The following LY75 variants were observed in gnomAD, a reference collection of about 807,000 sequenced individuals.
LY75 encodes the protein C-type lectin domain family 13 member B.
LY75 carries 185 observed loss-of-function variants against 231.7 expected under a neutral mutation model. The observed-to-expected ratio is 0.80, with a 90% CI of 0.71 to 0.90. The LOEUF is 0.90. LY75 is among the 40% of genes least tolerant of loss of function. The probability of loss-of-function intolerance (pLI) is 0.00; values close to 1 mark genes in which losing one functional copy is unlikely to be tolerated. For missense variants in LY75, 1,947 were observed against 2,050.2 expected (o/e 0.95, Z 0.97); for synonymous variants, 668 against 689.0 (o/e 0.97, Z 0.48).
intron 28 of LY75, among the ~76,000 whole-genome samples, chr2:159,829,945 G>T (rs867688234): frequency 2.0e-5 from 3 of 152,232 alleles, no homozygotes; most frequent in Admixed American, 1.3e-4. Flanking sequence ...TCTCTGTCCT[G>T]GGTGTGGTCT....
In LY75 at chr2:159,872,586, T is replaced by C; in HGVS notation, c.1982A>G (p.His661Arg). 6.2e-7 allele frequency: 1 copy of C among 1,612,236 alleles called. No individual in the cohort carries two copies. Among genetic ancestry groups the C allele is most frequent in the East Asian group, 2.2e-5 (1 of 44,862 alleles). Residue 661 changes from histidine to arginine, a missense_variant, in exon 13 of 35, where the codon CAT (histidine) becomes CGT (arginine). Transcript: ENST00000263636. ...CCTCTTTCTTACAATTCTTTCTGCA[T>C]GGAATACCTTAGCAAAATATAATAT... ...PASLSCYKVF[H>R]AERIVRKRNW...
intron 6 of LY75, 73 bp from the exon 7 acceptor site, chr2:159,882,388 T>G (rs1685463624): frequency 1.3e-6 from 2 of 1,535,094 alleles, no homozygotes; most frequent in Admixed American, 4.1e-5. Context: ...GCAAATTCTT[T>G]TTTCTTGAAT....
In LY75 at chr2:159,878,739, T is replaced by C. The variant is rs771858980; in HGVS notation, c.1516-18A>G. 1 of 1,613,180 alleles carries C rather than the reference T, an allele frequency of 6.2e-7. No homozygotes were observed. The highest frequency in any genetic ancestry group is 8.5e-7 in the Non-Finnish European group (1 of 1,179,480). On this transcript the variant is annotated intron_variant, in intron 9 of 34. Transcript: ENST00000263636. The stretch of plus-strand genomic sequence containing the variant: ...TTCCAGCCCTAAGTCAGAGGAAAAA[T>C]ATTGTCAAACTCTTTTCCAGACTTG...
At chr2:159,872,731 T>C in intron 12 of LY75, 138 bp from the exon 13 acceptor site, 1 of 895,614 alleles carries the variant, frequency 1.1e-6, no homozygotes, top group Non-Finnish European at 1.7e-6. Flanking sequence ...TAAATGCACA[T>C]ATACTGAGAC....
At chr2:159,837,903 C>T (rs1683881366) in intron 25 of LY75, among the ~76,000 whole-genome samples, 1 of 152,150 alleles carries the variant, frequency 6.6e-6, no homozygotes, top group Admixed American at 6.5e-5. Flanking sequence ...CCGGTCCTAC[C>T]ATTAACTTGG....
intron 25 of LY75, among the ~76,000 whole-genome samples, chr2:159,838,254 A>AT (rs1683895118): frequency 6.6e-6 from 1 of 152,214 alleles, no homozygotes; most frequent in Admixed American, 6.5e-5. Flanking sequence ...ACATCCTGTC[A>AT]TTTTCAAAGA....
intron 19 of LY75, 50 bp from the exon 20 acceptor site, chr2:159,853,402 A>AT (rs774440455): frequency 1.9e-6 from 3 of 1,589,424 alleles, no homozygotes; most frequent in South Asian, 1.1e-5. Context: ...TAGGTGTTCC[A>AT]TTTTTTTCTT....
chr2:159,815,237 G>A (rs1427911877), intron 31 of LY75, among the ~76,000 whole-genome samples, 168 bp downstream of exon 31: 1 of 152,110 alleles, frequency 6.6e-6, no homozygotes, highest in Non-Finnish European at 1.5e-5. Context: ...TCCTGACCTC[G>A]TGATCCGCAC....
chr2:159,854,864 T>C, intron 17 of LY75, 40 bp downstream of exon 17: 2 of 1,611,170 alleles, frequency 1.2e-6, no homozygotes, highest in Non-Finnish European at 1.7e-6. Flanking sequence ...AGTGACAAGG[T>C]AAAAGCAGCT....
At chr2:159,866,796 T>C (rs1279219849) in intron 13 of LY75, among the ~76,000 whole-genome samples, 1 of 152,168 alleles carries the variant, frequency 6.6e-6, no homozygotes, top group Non-Finnish European at 1.5e-5. Context: ...TCGTGTAGAA[T>C]TTTGTGTTTC....
chr2:159,890,071 A>T, intron 4 of LY75, 142 bp downstream of exon 4: 11 of 1,050,034 alleles, frequency 1.0e-5, no homozygotes, highest in African/African-American at 9.8e-5. Context: ...TTTTTTGCTT[A>T]TGGGTTTCAG....
At chr2:159,827,348 A>G (rs1683504273) in intron 28 of LY75, among the ~76,000 whole-genome samples, 1 of 152,252 alleles carries the variant, frequency 6.6e-6, no homozygotes, top group South Asian at 2.1e-4. Context: ...GCCAACAGAC[A>G]CATGAAAAAA....
chr2:159,850,016 T>C lies in LY75; in HGVS notation c.3114A>G (p.Pro1038=), dbSNP rs1407990451. Residue 1038 remains proline, a synonymous_variant, in exon 23 of 35, where the codon CCA becomes CCG. Coordinates refer to ENST00000263636, the MANE Select transcript of LY75 (RefSeq NM_002349.4). ...NRELTYSNFH[P]LLVSGRLRIP... is the part of the protein sequence containing the mutation. ...TTCTCAGCCTCCCACTAACCAATAATGGGTGAAAGTTACTGTACGTCAGCT... is the reference window on the plus strand; with the variant it reads ...TTCTCAGCCTCCCACTAACCAATAACGGGTGAAAGTTACTGTACGTCAGCT... 2.5e-6 allele frequency: 4 copies of C among 1,613,702 alleles called. No individual in the cohort carries two copies. The highest frequency in any genetic ancestry group is 3.4e-6 in the Non-Finnish European group (4 of 1,179,868).
At position 159,899,015 on chromosome 2, in the gene LY75, T is replaced by G; in HGVS notation, c.139A>C (p.Ile47Leu). The G allele has an allele frequency of 6.2e-7, 1 of 1,614,122 alleles. No homozygotes were observed. The highest frequency in any genetic ancestry group is 8.5e-7 in the Non-Finnish European group (1 of 1,179,942). ...ACTATCCAGCCATACACTGGCTTGA[T>G]GCACTTGCCCGTATTTCCATGGACG... is the stretch of plus-strand genomic sequence containing the variant. ...TIVHGNTGKC[I>L]KPVYGWIVAD... The change falls in exon 2 of 35, where the codon ATC becomes CTC. Residue 47 changes from isoleucine to leucine, a missense_variant. Physicochemically the swap from Ile to Leu is conservative, Grantham distance 5. Coordinates refer to ENST00000263636, the MANE Select transcript of LY75 (RefSeq NM_002349.4).
At chr2:159,849,878 C>A (rs1684328345) in intron 23 of LY75, 102 bp downstream of exon 23, 3 of 1,434,010 alleles carry the variant, frequency 2.1e-6, no homozygotes, top group Non-Finnish European at 2.8e-6. Context: ...ACATTTCATA[C>A]AAATGGAATA....
In LY75 at chr2:159,804,131, A is replaced by G. The variant is rs1174100244; in HGVS notation, c.*913T>C. 2.0e-5 allele frequency: 3 copies of G among 152,208 alleles called. No individual in the cohort carries two copies. Among genetic ancestry groups the G allele is most frequent in the East Asian group, 3.8e-4 (2 of 5,198 alleles). The allele number at this position is 152,208 out of a possible 1,614,324, so 9.4% of individuals were successfully genotyped here. ...TTTATAAACAATTATAAACAGAAAA[A>G]AACTCTTCATATTTACATAATAATG... On this transcript the variant is annotated 3_prime_UTR_variant, in exon 35 of 35. Transcript: ENST00000263636.
chr2:159,882,367 T>A, intron 6 of LY75, 52 bp from the exon 7 acceptor site: 1 of 1,556,924 alleles, frequency 6.4e-7, no homozygotes, highest in East Asian at 2.3e-5. Flanking sequence ...CTATTGTGAA[T>A]CAATAACATT....
At chr2:159,862,206 G>A (rs940531053) in intron 14 of LY75, among the ~76,000 whole-genome samples, 72 of 151,256 alleles carry the variant, frequency 4.8e-4, no homozygotes, top group Non-Finnish European at 2.4e-4. Flanking sequence ...GCAGGAGAAT[G>A]GTGTGAACCC....
In LY75 at chr2:159,880,530, A is replaced by T. The variant is rs1685403156; in HGVS notation, c.1404+553T>A. Among the ~76,000 whole-genome samples, 4 of 152,346 alleles carry T rather than the reference A, an allele frequency of 2.6e-5. No homozygotes were observed. The South Asian group carries it at 8.3e-4, about 32-fold the overall frequency. ...GCAGGTTGCTAGAATCAGTCAGCAC[A>T]AGAATGTGAGTTCTAAAGGGATTCT... On this transcript the variant is annotated intron_variant, in intron 8 of 34. Transcript: ENST00000263636.
Sources: gnomAD v4.1 joint callset for allele counts (sites outside exome capture counted in the v4.1 genomes callset) on GRCh38, gnomAD v4.1.1 for gene constraint, MANE v1.5 for transcripts, NCBI Gene and HGNC (gene_info 2026-07-23, HGNC 2026-07-21) for gene names.